The following IQSEC1 variants were observed in gnomAD, a reference collection of about 807,000 sequenced individuals.
IQSEC1 encodes IQ motif and SEC7 domain-containing protein 1.
Under a neutral mutation model 91.0 loss-of-function variants are expected in IQSEC1, and 31 were observed. The observed-to-expected ratio is 0.34, with a 90% confidence interval of 0.26 to 0.46. The LOEUF (loss-of-function observed/expected upper bound fraction) is 0.46. Among genes scored for constraint, IQSEC1 ranks in the 20% least tolerant of loss-of-function variants. The pLI is 1.00. For missense variants in IQSEC1, 1,388 were observed against 1,575.6 expected (o/e 0.88, Z 2.02); for synonymous variants, 699 against 662.6 (o/e 1.05, Z -0.84).
chr3:13,052,907 G>A (rs748037178), intron 1 of IQSEC1: 18 of 809,956 alleles, frequency 2.2e-5, no homozygotes, highest in African/African-American at 1.9e-4. Flanking sequence ...TGCTTGATAC[G>A]GCAACATGAT....
intron 1 of IQSEC1, among the ~76,000 whole-genome samples, chr3:13,179,698 C>A (rs531143949): frequency 4.7e-4 from 71 of 152,388 alleles, no homozygotes; most frequent in African/African-American, 1.7e-3. Context: ...GTGGGAGCCC[C>A]TTTCTGGGCT....
chr3:12,960,884 C>G (rs1700201244), intron 1 of IQSEC1, among the ~76,000 whole-genome samples: 1 of 152,246 alleles, frequency 6.6e-6, no homozygotes, highest in East Asian at 1.9e-4. Context: ...TGTGTCTACC[C>G]ACACTGCCTC....
intron 1 of IQSEC1, among the ~76,000 whole-genome samples, chr3:13,035,314 C>G (rs114584640): frequency 0.01 from 1,545 of 152,294 alleles, 30 homozygotes; most frequent in African/African-American, 0.035. Context: ...AAGACTCCAT[C>G]AGACACTAGG....
intron 1 of IQSEC1, among the ~76,000 whole-genome samples, chr3:13,236,946 G>A (rs1026012757): frequency 3.0e-4 from 45 of 152,162 alleles, no homozygotes; most frequent in Admixed American, 2.2e-3. Flanking sequence ...GTCTGAGGCC[G>A]AGGGCCCGGC....
chr3:13,089,861 G>C (rs577320572), intron 2 of IQSEC1, among the ~76,000 whole-genome samples: 3 of 152,162 alleles, frequency 2.0e-5, no homozygotes, highest in African/African-American at 7.2e-5. Context: ...CCTATTGTGG[G>C]GATGGTTGTG....
intron 1 of IQSEC1, among the ~76,000 whole-genome samples, chr3:13,252,056 C>T (rs560034581): frequency 9.2e-5 from 14 of 152,264 alleles, no homozygotes; most frequent in African/African-American, 2.9e-4. Context: ...CAACACAAAA[C>T]GTATCATCTT....
intron 3 of IQSEC1, among the ~76,000 whole-genome samples, chr3:12,931,267 G>C (rs1050267574): frequency 1.3e-5 from 2 of 152,112 alleles, no homozygotes; most frequent in African/African-American, 4.8e-5. Context: ...TGTGTCTAGG[G>C]GAGAGGGGTC....
At chr3:12,975,535 A>G (rs1293233343) in intron 1 of IQSEC1, among the ~76,000 whole-genome samples, 1 of 152,228 alleles carries the variant, frequency 6.6e-6, no homozygotes, top group Non-Finnish European at 1.5e-5. Flanking sequence ...AAGGCCACAC[A>G]GCTAGTGCCT....
chr3:12,954,998 C>G (rs1699810929), intron 1 of IQSEC1, among the ~76,000 whole-genome samples: 1 of 152,218 alleles, frequency 6.6e-6, no homozygotes. Flanking sequence ...CAGGTGGGGG[C>G]ACCGAAGCCT....
At chr3:13,057,658 G>C (rs1410862996) in intron 1 of IQSEC1, among the ~76,000 whole-genome samples, 1 of 152,198 alleles carries the variant, frequency 6.6e-6, no homozygotes, top group Non-Finnish European at 1.5e-5. Context: ...CAAGGATTAG[G>C]CTAGGATGGG....
At chr3:13,062,642 G>A (rs1705104111) in intron 1 of IQSEC1, among the ~76,000 whole-genome samples, 1 of 152,188 alleles carries the variant, frequency 6.6e-6, no homozygotes, top group African/African-American at 2.4e-5. Flanking sequence ...ATGGCCAGGG[G>A]ACAGACACCC....
At chr3:13,078,215 C>T (rs1705593324), upstream of IQSEC1, among the ~76,000 whole-genome samples, 1 of 152,170 alleles carries the variant, frequency 6.6e-6, no homozygotes, top group Non-Finnish European at 1.5e-5. Context: ...AACACATGAG[C>T]AGAGGGCACC....
At position 12,935,063 on chromosome 3, in the gene IQSEC1, C is replaced by G. The variant is rs1698045777; in HGVS notation, c.1568+385G>C. 6.6e-6 allele frequency among the ~76,000 whole-genome samples: 1 copy of G among 152,164 alleles called. No homozygotes were observed. Among genetic ancestry groups the G allele is most frequent in the Non-Finnish European group, 1.5e-5 (1 of 68,050 alleles). On this transcript the variant is annotated intron_variant, in intron 3 of 13. Transcript: ENST00000613206. This position sits in a 1 kb window ranked among gnomAD's most constrained non-coding sequence, Gnocchi z 8.0. ...TGACACAACCGGTCATACCCCTGCT[C>G]AAAGGCCTTTGTGTCCCACATCACC...
intron 2 of IQSEC1, among the ~76,000 whole-genome samples, chr3:13,114,284 G>C (rs1299504962): frequency 6.6e-6 from 1 of 152,176 alleles, no homozygotes; most frequent in African/African-American, 2.4e-5. Context: ...CAGTGTCCCT[G>C]TTCTCAGGGG....
In IQSEC1 at chr3:13,044,353, A is replaced by G. The variant is rs547592543; in HGVS notation, c.23+28639T>C. On this transcript the variant is annotated intron_variant, in intron 1 of 13. Coordinates refer to ENST00000613206, the MANE Select transcript of IQSEC1 (RefSeq NM_001134382.3). ...CACAGGACAGCCCCCACACCAGAGA[A>G]TGGTCCTGCCCAAAATGTCAGTAGT... Among the ~76,000 whole-genome samples, 17 of 152,298 alleles carry G rather than the reference A, an allele frequency of 1.1e-4. No individual in the cohort carries two copies. The South Asian group carries it at 3.5e-3, about 32-fold the overall frequency.
chr3:13,173,617 T>C (rs1351804099), intron 1 of IQSEC1, among the ~76,000 whole-genome samples: 4 of 152,054 alleles, frequency 2.6e-5, no homozygotes, highest in Non-Finnish European at 5.9e-5. Context: ...AACATGAAGG[T>C]TCCATTTGTC....
chr3:12,937,697 C>G (rs1317969047), intron 2 of IQSEC1, among the ~76,000 whole-genome samples: 1 of 152,248 alleles, frequency 6.6e-6, no homozygotes, highest in Non-Finnish European at 1.5e-5. Flanking sequence ...AGGGCTGGCA[C>G]ATGCCAAGCA....
At chr3:12,933,052 G>A (rs1347724391) in intron 3 of IQSEC1, among the ~76,000 whole-genome samples, 3 of 152,230 alleles carry the variant, frequency 2.0e-5, no homozygotes, top group South Asian at 2.1e-4. Flanking sequence ...TGCCAGGAAC[G>A]CTCACTGCTT....
chr3:13,091,632 C>A lies in IQSEC1; in HGVS notation c.303-44110G>T, dbSNP rs1053782644. The stretch of plus-strand genomic sequence containing the variant: ...GCCCAGGTGGGACGGGCCCACAATG[C>A]TCCCAGGAAGCCCGACTTGGCTGTG... On this transcript the variant is annotated intron_variant, in intron 2 of 15. Coordinates refer to the IQSEC1 transcript ENST00000648114. Among the ~76,000 whole-genome samples the A allele has an allele frequency of 2.0e-5, 3 of 152,238 alleles. No individual in the cohort carries two copies. In the East Asian group the frequency reaches 5.8e-4, roughly 29 times the overall value.
Sources: allele counts gnomAD v4.1 joint callset (sites outside exome capture counted in the v4.1 genomes callset), GRCh38; gene constraint gnomAD v4.1.1; non-coding constraint Gnocchi (gnomAD v3.1); transcripts MANE v1.5; gene names NCBI Gene and HGNC (gene_info 2026-07-23, HGNC 2026-07-21).